The following GPRIN3 variants were observed in gnomAD, a reference collection of about 807,000 sequenced individuals.
GPRIN3 encodes the protein GPRIN family member 3, also known as G protein-regulated inducer of neurite outgrowth 3.
Under a neutral mutation model 13.7 loss-of-function variants are expected in GPRIN3, and 12 were observed. The ratio of observed to expected loss-of-function variants is 0.87; its 90% CI spans 0.56 to 1.42. The LOEUF (loss-of-function observed/expected upper bound fraction) is 1.42. Ranked by LOEUF, GPRIN3 falls within the 40% of genes most tolerant of loss-of-function variation. The pLI is 0.00. For synonymous variants in GPRIN3, 377 were observed against 372.7 expected, an observed-to-expected ratio of 1.01 and a Z score of -0.13; for missense variants, 1,009 against 958.7, an observed-to-expected ratio of 1.05 and a Z score of -0.69.
intron 1 of GPRIN3, among the ~76,000 whole-genome samples, chr4:89,303,925 A>G (rs1006295100): frequency 1.3e-5 from 2 of 152,070 alleles, no homozygotes; most frequent in African/African-American, 4.8e-5. Flanking sequence ...CCAAGCAGAA[A>G]TTCTACTGCA....
intron 1 of GPRIN3, among the ~76,000 whole-genome samples, chr4:89,269,896 T>C (rs886922023): frequency 2.0e-5 from 3 of 152,184 alleles, no homozygotes; most frequent in Non-Finnish European, 4.4e-5. Flanking sequence ...AATCAAATAC[T>C]TGAGGAACTA....
At chr4:89,288,051 T>C (rs963160998) in intron 1 of GPRIN3, among the ~76,000 whole-genome samples, 1 of 152,176 alleles carries the variant, frequency 6.6e-6, no homozygotes, top group Non-Finnish European at 1.5e-5. Flanking sequence ...TGGAATAATG[T>C]ACTGTCTAAT....
At chr4:89,265,903 A>C (rs1041368060) in intron 1 of GPRIN3, among the ~76,000 whole-genome samples, 4 of 152,214 alleles carry the variant, frequency 2.6e-5, no homozygotes, top group Non-Finnish European at 5.9e-5. Context: ...AGATATGACA[A>C]TTTTTAAACT....
intron 1 of GPRIN3, among the ~76,000 whole-genome samples, chr4:89,278,228 G>A (rs1395343969): frequency 6.6e-6 from 1 of 152,124 alleles, no homozygotes; most frequent in African/African-American, 2.4e-5. Flanking sequence ...CGATCATTAT[G>A]TCTCATTTCT....
rs1190152561 is a variant in GPRIN3, at chr4:89,248,344, C to T, written c.1767G>A (p.Gln589=). ...GTCTGTTTTCTTCTAAGGTGCTCTC[C>T]TGGTTCTTCCTAATTGGGGAGGGTG... The part of the protein sequence containing the change: ...NPTPSPIRKN[Q]ESTLEENRQT... Residue 589 remains glutamine, a synonymous_variant, in exon 2 of 2, where the codon CAG becomes CAA. Transcript: ENST00000609438. 1.2e-6 allele frequency: 2 copies of T among 1,614,024 alleles called. No individual in the cohort carries two copies. The highest frequency in any genetic ancestry group is 3.3e-5 in the Admixed American group (2 of 59,984).
rs368497144 is a variant in GPRIN3, at chr4:89,249,068, C to T, written c.1043G>A (p.Arg348His). The T allele has an allele frequency of 6.1e-5, 98 of 1,614,212 alleles. No individual in the cohort carries two copies. Among genetic ancestry groups the T allele is most frequent in the African/African-American group, 2.1e-4 (16 of 75,058 alleles). The change falls in exon 2 of 2, where the codon CGT becomes CAT. Residue 348 changes from arginine to histidine, a missense_variant. Arg to His is a conservative substitution (Grantham distance 29). Transcript: ENST00000609438. ...SILTAFLKES[R>H]APEHFEQEQL... ...CTCTTGTTCAAAATGCTCAGGAGCACGGCTTTCCTTCAGAAATGCAGTGAG... is the reference window on the plus strand; with the variant it reads ...CTCTTGTTCAAAATGCTCAGGAGCATGGCTTTCCTTCAGAAATGCAGTGAG...
intron 1 of GPRIN3, among the ~76,000 whole-genome samples, chr4:89,297,905 C>T (rs556135511): frequency 2.8e-4 from 42 of 152,284 alleles, no homozygotes; most frequent in African/African-American, 9.9e-4. Context: ...TTAAAATACA[C>T]TTGTGTATCA....
chr4:89,275,631 A>G (rs535444828), intron 1 of GPRIN3, among the ~76,000 whole-genome samples: 1 of 152,178 alleles, frequency 6.6e-6, no homozygotes, highest in Non-Finnish European at 1.5e-5. Context: ...CTCTTGGAGG[A>G]GCAGAATGCA....
At position 89,302,126 on chromosome 4, in the gene GPRIN3, T is replaced by A. The variant is rs561789587; in HGVS notation, c.-124+5489A>T. On this transcript the variant is annotated intron_variant, in intron 1 of 1. Transcript: ENST00000609438. Reference sequence around the variant, plus strand: ...CTACGCTAGACCCTTGGGACAGAGATGAGATCATGGCATTGTCATTTAGAC... The same window carrying A: ...CTACGCTAGACCCTTGGGACAGAGAAGAGATCATGGCATTGTCATTTAGAC... 2.0e-5 allele frequency among the ~76,000 whole-genome samples: 3 copies of A among 152,248 alleles called. No homozygotes were observed. In the South Asian group the frequency reaches 6.2e-4, roughly 32 times the overall value.
chr4:89,275,136 C>CTCTGTGTGTG (rs1553951772), intron 1 of GPRIN3, among the ~76,000 whole-genome samples: 1 of 149,148 alleles, frequency 6.7e-6, no homozygotes, highest in African/African-American at 2.5e-5. Flanking sequence ...CTAAGTAACT[C>CTCTGTGTGTG]TGTGTGTGTG....
intron 1 of GPRIN3, among the ~76,000 whole-genome samples, chr4:89,283,669 C>A (rs548951286): frequency 9.2e-5 from 14 of 152,204 alleles, no homozygotes; most frequent in African/African-American, 3.4e-4. Context: ...GAAGGCCCAC[C>A]CAAGGCCTCT....
intron 1 of GPRIN3, among the ~76,000 whole-genome samples, chr4:89,292,193 C>T (rs1379763720): frequency 6.6e-6 from 1 of 152,098 alleles, no homozygotes; most frequent in Non-Finnish European, 1.5e-5. Context: ...CTAGTATTGG[C>T]TAATTTTGTC....
intron 1 of GPRIN3, among the ~76,000 whole-genome samples, chr4:89,266,793 A>C (rs1323465152): frequency 2.0e-5 from 3 of 152,222 alleles, no homozygotes; most frequent in Admixed American, 1.3e-4. Context: ...TGGCCTTATA[A>C]ATGATTAGTG....
chr4:89,282,922 A>G (rs1374936244), intron 1 of GPRIN3, among the ~76,000 whole-genome samples: 1 of 152,220 alleles, frequency 6.6e-6, no homozygotes, highest in African/African-American at 2.4e-5. Context: ...TTAAGAATTC[A>G]CTAATTTGAT....
chr4:89,277,233 G>T (rs545179393), intron 1 of GPRIN3, among the ~76,000 whole-genome samples: 1 of 152,152 alleles, frequency 6.6e-6, no homozygotes, highest in Non-Finnish European at 1.5e-5. Context: ...GGTAACCATA[G>T]TGGCCAGTAT....
chr4:89,248,079 A>G lies in GPRIN3; in HGVS notation c.2032T>C (p.Ser678Pro). 2 of 1,613,994 alleles carry G rather than the reference A, an allele frequency of 1.2e-6. No homozygotes were observed. The highest frequency in any genetic ancestry group is 1.7e-6 in the Non-Finnish European group (2 of 1,179,964). ...CACACGACGTCCCTGACACGCTTGG[A>G]CTGTTTCAGCTGGAGCTTGGAGTCT... ...GADSKLQLKQ[S>P]KRVRDVVWDE... is the part of the protein sequence containing the mutation. Residue 678 changes from serine (S) to proline (P), a missense_variant, in exon 2 of 2, where the codon TCC (serine) becomes CCC (proline). Ser to Pro is a moderately conservative substitution (Grantham distance 74). Coordinates refer to ENST00000609438, the MANE Select transcript of GPRIN3 (RefSeq NM_198281.3).
intron 1 of GPRIN3, among the ~76,000 whole-genome samples, chr4:89,264,955 C>T (rs1422259734): frequency 6.6e-6 from 1 of 152,126 alleles, no homozygotes; most frequent in Admixed American, 6.6e-5. Context: ...CCCTAAGTGC[C>T]TAGATCAGGG....
intron 1 of GPRIN3, among the ~76,000 whole-genome samples, chr4:89,268,530 C>G (rs1349311148): frequency 1.3e-5 from 2 of 152,112 alleles, no homozygotes; most frequent in Non-Finnish European, 2.9e-5. Context: ...CCTCTGCTAC[C>G]CCTCCCAAAT....
rs1293076779 is a variant in GPRIN3 at position 89,238,501 on chromosome 4, G to A, written c.*9279C>T. ...AAGCCTGGACAATAAGGCAATCTAA[G>A]CGCCCTGGACCCCTACCCAGCTCTG... On this transcript the variant is annotated 3_prime_UTR_variant, in exon 2 of 2. Coordinates refer to ENST00000609438, the MANE Select transcript of GPRIN3 (RefSeq NM_198281.3). 1.3e-5 allele frequency: 2 copies of A among 152,010 alleles called. No homozygotes were observed. Among genetic ancestry groups the A allele is most frequent in the Non-Finnish European group, 1.5e-5 (1 of 68,114 alleles). 9.4% of individuals were successfully genotyped at this position (152,010 alleles called of 1,614,324 possible). A position where few individuals can be genotyped will look rare whatever the true frequency, so the allele number is the denominator to read the frequency against.
Sources: gnomAD v4.1 joint callset for allele counts (sites outside exome capture counted in the v4.1 genomes callset) on GRCh38, gnomAD v4.1.1 for gene constraint, MANE v1.5 for transcripts, NCBI Gene and HGNC (gene_info 2026-07-23, HGNC 2026-07-21) for gene names.